The following MYO1B variants were observed in gnomAD, a reference collection of about 807,000 sequenced individuals.
MYO1B encodes the protein myosin IB.
MYO1B carries 72 observed loss-of-function variants against 159.7 expected under a neutral mutation model. The ratio of observed to expected loss-of-function variants is 0.45; its 90% CI spans 0.37 to 0.55. The LOEUF is 0.55. Among genes scored for constraint, MYO1B ranks in the 20% least tolerant of loss-of-function variants. The pLI is 0.00. For synonymous variants in MYO1B, 468 were observed against 473.8 expected (o/e 0.99, Z 0.16); for missense variants, 1,062 against 1,364.8 (o/e 0.78, Z 3.50).
At chr2:191,273,515 G>T (rs1370997260) in intron 1 of MYO1B, among the ~76,000 whole-genome samples, 1 of 152,208 alleles carries the variant, frequency 6.6e-6, no homozygotes, top group East Asian at 1.9e-4. Flanking sequence ...GGCTGCAGTA[G>T]TTCCAAGTGT....
intron 3 of MYO1B, 97 bp from the exon 4 acceptor site, chr2:191,329,838 A>T: frequency 2.2e-6 from 2 of 899,912 alleles, no homozygotes; most frequent in Non-Finnish European, 3.4e-6. Flanking sequence ...TTCCAAAAGC[A>T]TATCACAGTG....
At chr2:191,303,726 A>G (rs17348013) in intron 3 of MYO1B, among the ~76,000 whole-genome samples, 80,404 of 151,892 alleles carry the variant, frequency 0.53, 22,024 homozygotes, top group East Asian at 0.65. Context: ...TGAATCTTAA[A>G]GGATATTCTT....
At chr2:191,296,958 C>A (rs1208936241) in intron 3 of MYO1B, among the ~76,000 whole-genome samples, 1 of 152,164 alleles carries the variant, frequency 6.6e-6, no homozygotes, top group Non-Finnish European at 1.5e-5. Flanking sequence ...TTATTCAACC[C>A]TAGAACTTTT....
intron 1 of MYO1B, among the ~76,000 whole-genome samples, chr2:191,270,407 GA>G (rs529684513): frequency 7.4e-4 from 112 of 152,082 alleles, no homozygotes; most frequent in African/African-American, 2.6e-3. Context: ...CTATTTTCTT[GA>G]CTTTTCTATT....
Position 191,317,425 on chromosome 2 carries a change from A to C in MYO1B, c.252-12510A>C, listed in dbSNP as rs116138702. Reference sequence around the variant, plus strand: ...GTAATTGCCTTTGCTCCTTAGTTCAAGAACTAGCAAGGGCCTGCAATGTTA... The same window carrying C: ...GTAATTGCCTTTGCTCCTTAGTTCACGAACTAGCAAGGGCCTGCAATGTTA... On this transcript the variant is annotated intron_variant, in intron 3 of 30. Coordinates refer to ENST00000392318, the MANE Select transcript of MYO1B (RefSeq NM_001130158.3). 8.9e-3 allele frequency among the ~76,000 whole-genome samples: 1,353 copies of C among 152,330 alleles called. 10 individuals are homozygous for C. The highest frequency in any genetic ancestry group is 0.011 in the Non-Finnish European group (730 of 68,022).
chr2:191,311,524 A>G (rs999560526), intron 3 of MYO1B, among the ~76,000 whole-genome samples: 4 of 152,184 alleles, frequency 2.6e-5, no homozygotes, highest in East Asian at 1.9e-4. Flanking sequence ...CCTTCGAAAG[A>G]CATATTTTCA....
At chr2:191,377,361 A>G (rs1453125647) in intron 13 of MYO1B, among the ~76,000 whole-genome samples, 1 of 152,144 alleles carries the variant, frequency 6.6e-6, no homozygotes, top group African/African-American at 2.4e-5. Flanking sequence ...GTAGAGAAAA[A>G]TTGCATACTT....
At chr2:191,297,854 C>CT (rs1269979839) in intron 3 of MYO1B, among the ~76,000 whole-genome samples, 7 of 152,166 alleles carry the variant, frequency 4.6e-5, no homozygotes, top group Non-Finnish European at 1.0e-4. Flanking sequence ...TAGGAGGGTG[C>CT]TTGCTGCCAG....
chr2:191,397,205 T>A (rs991951865), intron 21 of MYO1B, among the ~76,000 whole-genome samples: 6 of 149,418 alleles, frequency 4.0e-5, no homozygotes, highest in East Asian at 2.0e-4. Flanking sequence ...TTATTTATTT[T>A]TTTTTAATTG....
chr2:191,293,969 A>G (rs1688830798), intron 2 of MYO1B, among the ~76,000 whole-genome samples: 1 of 152,192 alleles, frequency 6.6e-6, no homozygotes, highest in Non-Finnish European at 1.5e-5. Context: ...GAATAATTAG[A>G]TGTGTTTCAG....
intron 9 of MYO1B, 94 bp from the exon 10 acceptor site, chr2:191,363,634 T>C: frequency 6.9e-7 from 1 of 1,451,360 alleles, no homozygotes. Context: ...TATGGGTTTT[T>C]TTCCCCAGAA....
At chr2:191,419,345 A>C (rs898742606) in intron 30 of MYO1B, among the ~76,000 whole-genome samples, 2 of 151,794 alleles carry the variant, frequency 1.3e-5, no homozygotes, top group Non-Finnish European at 2.9e-5. Flanking sequence ...CAGCCTCCCG[A>C]GTAGCTGGGA....
intron 21 of MYO1B, among the ~76,000 whole-genome samples, chr2:191,397,734 G>T (rs1294784736): frequency 6.9e-6 from 1 of 144,668 alleles, no homozygotes; most frequent in Admixed American, 6.8e-5. Context: ...GGTCGTGGCC[G>T]GGCAGAGGGG....
rs1013567596 is a variant in MYO1B at position 191,378,663 on chromosome 2, A to G, written c.1186-2799A>G. Among the ~76,000 whole-genome samples, 113 of 152,260 alleles carry G rather than the reference A, an allele frequency of 7.4e-4. 1 individual carries two copies. Among genetic ancestry groups the G allele is most frequent in the African/African-American group, 2.7e-3 (112 of 41,542 alleles). ...CTTAGCTTGGGCTCAGAGGCTTGAC[A>G]TTCCTGTCTTCTTATATTGATAAGA... On this transcript the variant is annotated intron_variant, in intron 13 of 30. Transcript: ENST00000392318.
intron 13 of MYO1B, among the ~76,000 whole-genome samples, chr2:191,373,527 G>C (rs1686026604): frequency 6.6e-6 from 1 of 152,200 alleles, no homozygotes; most frequent in Admixed American, 6.5e-5. Context: ...TGTTATCCCA[G>C]CACTTTGGGA....
At position 191,391,867 on chromosome 2, in the gene MYO1B, T is replaced by C. The variant is rs112900219; in HGVS notation, c.1983-241T>C. Reference sequence around the variant, plus strand: ...TGCCTCTACTAATGAAATCAAGAAATTGGCTTTAATACCACATTTTCTTAG... The same window carrying C: ...TGCCTCTACTAATGAAATCAAGAAACTGGCTTTAATACCACATTTTCTTAG... On this transcript the variant is annotated intron_variant, in intron 18 of 30. Coordinates refer to ENST00000392318, the MANE Select transcript of MYO1B (RefSeq NM_001130158.3). Among the ~76,000 whole-genome samples the C allele has an allele frequency of 4.1e-3, 625 of 152,338 alleles. 4 individuals carry two copies. Among genetic ancestry groups the C allele is most frequent in the African/African-American group, 0.014 (601 of 41,576 alleles).
chr2:191,412,966 G>T (rs948198902), intron 27 of MYO1B, among the ~76,000 whole-genome samples: 4 of 152,166 alleles, frequency 2.6e-5, no homozygotes, highest in Non-Finnish European at 4.4e-5. Context: ...AACTTATGAT[G>T]CAGTTACACA....
At chr2:191,354,075 G>A (rs1371928903) in intron 7 of MYO1B, among the ~76,000 whole-genome samples, 1 of 151,980 alleles carries the variant, frequency 6.6e-6, no homozygotes, top group Non-Finnish European at 1.5e-5. Flanking sequence ...GATCAACATG[G>A]TGAAACCCCG....
chr2:191,400,897 C>G (rs1310748974), intron 23 of MYO1B, 62 bp downstream of exon 23: 3 of 1,499,226 alleles, frequency 2.0e-6, no homozygotes, highest in African/African-American at 2.8e-5. Flanking sequence ...GTCCTTACCT[C>G]TAGCCTATTA....
Sources: allele counts gnomAD v4.1 joint callset (sites outside exome capture counted in the v4.1 genomes callset), GRCh38; gene constraint gnomAD v4.1.1; transcripts MANE v1.5; gene names NCBI Gene and HGNC (gene_info 2026-07-23, HGNC 2026-07-21).